SIK3: variants seen among roughly 807,000 people sequenced by gnomAD.
SIK3 encodes the protein serine/threonine-protein kinase SIK3.
In SIK3, 28 loss-of-function variants were observed where a neutral mutation model predicts 144.2. The ratio of observed to expected loss-of-function variants is 0.19; its 90% CI spans 0.14 to 0.27. The LOEUF is 0.27. Ranked by LOEUF, SIK3 falls within the 10% of genes least tolerant of loss-of-function variation. The pLI is 1.00. For missense variants in SIK3, 1,319 were observed against 1,776.0 expected (o/e 0.74, Z 4.62); for synonymous variants, 686 against 676.3 (o/e 1.01, Z -0.22).
intron 1 of SIK3, among the ~76,000 whole-genome samples, chr11:117,096,094 G>C (rs1336604939): frequency 6.6e-6 from 1 of 152,154 alleles, no homozygotes; most frequent in Non-Finnish European, 1.5e-5. Flanking sequence ...ATGAAAATTA[G>C]AAAGCGGGCA....
At chr11:116,923,952 C>G (rs1190897174) in intron 4 of SIK3, among the ~76,000 whole-genome samples, 2 of 152,156 alleles carry the variant, frequency 1.3e-5, no homozygotes, top group African/African-American at 4.8e-5. Flanking sequence ...TCTGTTTTTA[C>G]TCTGAGTTTC....
At chr11:116,907,043 T>C (rs904356186) in intron 4 of SIK3, among the ~76,000 whole-genome samples, 1 of 152,220 alleles carries the variant, frequency 6.6e-6, no homozygotes, top group Admixed American at 6.5e-5. Flanking sequence ...GTGCAACAGT[T>C]TTCCTATTTG....
At chr11:116,907,146 T>C (rs1946083731) in intron 4 of SIK3, among the ~76,000 whole-genome samples, 1 of 152,244 alleles carries the variant, frequency 6.6e-6, no homozygotes, top group Admixed American at 6.5e-5. Flanking sequence ...CTCATTGAGA[T>C]GAGCATTATT....
chr11:116,954,475 T>TA (rs775437729), intron 2 of SIK3, among the ~76,000 whole-genome samples: 94 of 124,222 alleles, frequency 7.6e-4, no homozygotes, highest in South Asian at 2.7e-3. Flanking sequence ...CCCTATCAAA[T>TA]CAAAAAAAAA....
intron 1 of SIK3, among the ~76,000 whole-genome samples, chr11:117,036,658 A>C (rs926705624): frequency 2.0e-5 from 3 of 152,256 alleles, no homozygotes; most frequent in African/African-American, 7.2e-5. Flanking sequence ...TTGTGTTAAC[A>C]TATCGTTAAT....
At chr11:117,040,945 CTCCTT>C (rs1565585684) in intron 1 of SIK3, among the ~76,000 whole-genome samples, 1 of 124,116 alleles carries the variant, frequency 8.1e-6, no homozygotes. Flanking sequence ...AGTTACCTGC[CTCCTT>C]TTTTTTTTTT....
At chr11:117,023,609 C>CAAACAAACA (rs1377928104) in intron 1 of SIK3, among the ~76,000 whole-genome samples, 5 of 51,990 alleles carry the variant, frequency 9.6e-5, no homozygotes, top group African/African-American at 4.2e-4. Context: ...AACAAACAAA[C>CAAACAAACA]AAAAAAAAAA....
At chr11:116,850,463 A>G (rs1942339750) in intron 21 of SIK3, among the ~76,000 whole-genome samples, 1 of 152,200 alleles carries the variant, frequency 6.6e-6, no homozygotes, top group Non-Finnish European at 1.5e-5. Context: ...ATCATTCTAC[A>G]TCCATTATCA....
intron 1 of SIK3, among the ~76,000 whole-genome samples, chr11:117,041,462 A>G (rs1471655208): frequency 2.0e-5 from 3 of 152,140 alleles, no homozygotes; most frequent in Non-Finnish European, 4.4e-5. Context: ...ATATTCCCAA[A>G]CTTATTTAAT....
At chr11:116,857,732 G>A (rs1485931367) in intron 21 of SIK3, 78 bp downstream of exon 21, 31 of 1,525,174 alleles carry the variant, frequency 2.0e-5, no homozygotes, top group Non-Finnish European at 2.6e-5. Flanking sequence ...CAGAATACTA[G>A]CTGAAAAAAG....
intron 1 of SIK3, among the ~76,000 whole-genome samples, chr11:117,084,104 T>C (rs1046656117): frequency 6.6e-6 from 1 of 152,208 alleles, no homozygotes; most frequent in South Asian, 2.1e-4. Flanking sequence ...GAAGCTCTCT[T>C]AGCCCACCTT....
chr11:117,080,929 C>G (rs907708320), intron 1 of SIK3, among the ~76,000 whole-genome samples: 3 of 152,038 alleles, frequency 2.0e-5, no homozygotes, highest in African/African-American at 4.8e-5. Flanking sequence ...GCATGGGTGA[C>G]AGAGAAACTC....
At chr11:116,961,018 C>A (rs1478028375) in intron 1 of SIK3, among the ~76,000 whole-genome samples, 1 of 152,072 alleles carries the variant, frequency 6.6e-6, no homozygotes, top group Non-Finnish European at 1.5e-5. Flanking sequence ...AACTGGCTGC[C>A]GCCAGCTGAT....
At chr11:117,083,892 T>G (rs907834697) in intron 1 of SIK3, among the ~76,000 whole-genome samples, 1 of 152,202 alleles carries the variant, frequency 6.6e-6, no homozygotes, top group South Asian at 2.1e-4. Flanking sequence ...CCTCTTAAAC[T>G]AAAGAGTTTG....
At chr11:116,870,731 C>G (rs1431170751) in intron 13 of SIK3, among the ~76,000 whole-genome samples, 1 of 152,052 alleles carries the variant, frequency 6.6e-6, no homozygotes, top group Non-Finnish European at 1.5e-5. Flanking sequence ...AGGATAGAGA[C>G]AAGTAAACAA....
intron 1 of SIK3, among the ~76,000 whole-genome samples, chr11:117,034,293 TG>T (rs970156772): frequency 2.0e-5 from 3 of 152,164 alleles, no homozygotes; most frequent in African/African-American, 7.2e-5. Context: ...CACCATTATT[TG>T]AAAACAGAGA....
intron 1 of SIK3, among the ~76,000 whole-genome samples, chr11:117,093,279 T>C (rs1955325553): frequency 6.6e-6 from 1 of 152,248 alleles, no homozygotes; most frequent in Non-Finnish European, 1.5e-5. Flanking sequence ...GTGAAAATAA[T>C]GCTTTTAGCC....
chr11:116,899,336 T>C (rs1222051061), intron 4 of SIK3, among the ~76,000 whole-genome samples: 3 of 152,106 alleles, frequency 2.0e-5, no homozygotes, highest in Non-Finnish European at 4.4e-5. Context: ...TCTATATCTC[T>C]GTTTTGGTAC....
At chr11:116,935,252 C>A (rs1417472189) in intron 3 of SIK3, among the ~76,000 whole-genome samples, 1 of 151,662 alleles carries the variant, frequency 6.6e-6, no homozygotes, top group African/African-American at 2.4e-5. Context: ...TATCTTTAAA[C>A]TATTATTAAT....
Sources: gnomAD v4.1 joint callset for allele counts (sites outside exome capture counted in the v4.1 genomes callset) on GRCh38, gnomAD v4.1.1 for gene constraint, MANE v1.5 for transcripts, NCBI Gene and HGNC (gene_info 2026-07-23, HGNC 2026-07-21) for gene names.